STAT3: variants seen among roughly 807,000 people sequenced by gnomAD.
STAT3 encodes signal transducer and activator of transcription 3, also known as DNA-binding protein APRF.
In STAT3, 7 loss-of-function variants were observed where a neutral mutation model predicts 114.3. The ratio of observed to expected loss-of-function variants is 0.06; its 90% CI spans 0.03 to 0.11. The LOEUF (loss-of-function observed/expected upper bound fraction) is 0.11, where lower values mean the gene tolerates loss of function less well. Among genes scored for constraint, STAT3 ranks in the 10% least tolerant of loss-of-function variants. The pLI is 1.00. For missense variants in STAT3, 364 were observed against 960.9 expected (o/e 0.38, Z 8.21); for synonymous variants, 331 against 354.5 (o/e 0.93, Z 0.74).
chr17:42,384,426 G>A (rs1334107270), intron 1 of STAT3, among the ~76,000 whole-genome samples: 2 of 151,354 alleles, frequency 1.3e-5, no homozygotes, highest in Admixed American at 6.6e-5. Context: ...CACCGCGCCC[G>A]GCGCCCCGAA....
intron 3 of STAT3, among the ~76,000 whole-genome samples, 176 bp from the exon 4 acceptor site, chr17:42,345,833 G>C (rs186571444): frequency 4.0e-5 from 6 of 151,484 alleles, no homozygotes; most frequent in African/African-American, 1.2e-4. Flanking sequence ...GCGAAGGGGA[G>C]GTCGTTACTA....
At chr17:42,339,188 C>A in intron 5 of STAT3, 126 bp downstream of exon 5, 3 of 905,466 alleles carry the variant, frequency 3.3e-6, no homozygotes, top group South Asian at 1.4e-5. Flanking sequence ...CCTGAGAGGT[C>A]GAGGCTGCAG....
chr17:42,320,913 T>C (rs1032159597), intron 21 of STAT3, among the ~76,000 whole-genome samples: 2 of 150,576 alleles, frequency 1.3e-5, no homozygotes, highest in African/African-American at 4.9e-5. Flanking sequence ...GCTGCAGAGA[T>C]TACAGTTTTG....
At chr17:42,381,748 A>AG (rs1555580320) in intron 1 of STAT3, among the ~76,000 whole-genome samples, 5 of 151,382 alleles carry the variant, frequency 3.3e-5, no homozygotes, top group Non-Finnish European at 2.9e-5. Flanking sequence ...AAAAAAAAAA[A>AG]GGAATTTGGA....
chr17:42,322,912 A>G, intron 20 of STAT3, 92 bp downstream of exon 20: 1 of 1,591,722 alleles, frequency 6.3e-7, no homozygotes, highest in East Asian at 2.2e-5. Context: ...GGCCATCTCC[A>G]CCCACCAGGG....
chr17:42,331,391 C>A, intron 11 of STAT3, 81 bp downstream of exon 11: 1 of 1,257,442 alleles, frequency 8.0e-7, no homozygotes, highest in Admixed American at 1.8e-5. Context: ...AAGACAGAGT[C>A]TCTAGTTCAA....
chr17:42,348,680 G>C, intron 1 of STAT3, 141 bp from the exon 2 acceptor site: 1 of 1,002,592 alleles, frequency 1.0e-6, no homozygotes, highest in Non-Finnish European at 1.5e-6. Flanking sequence ...CTTTCTCCCA[G>C]TTTATTTTAT....
Position 42,343,751 on chromosome 17 carries a change from C to T in STAT3, c.372+1808G>A, listed in dbSNP as rs139853497. The stretch of plus-strand genomic sequence containing the variant: ...TACAGGCGTGAGACATCGTGCCTGG[C>T]CCAGATCTTTACTTTCATTACATCT... On this transcript the variant is annotated intron_variant, in intron 4 of 23. Coordinates refer to ENST00000264657, the MANE Select transcript of STAT3 (RefSeq NM_139276.3). Among the ~76,000 whole-genome samples the T allele has an allele frequency of 2.4e-3, 364 of 152,196 alleles. 2 individuals are homozygous for T. The highest frequency in any genetic ancestry group is 8.2e-3 in the African/African-American group (340 of 41,526).
chr17:42,368,731 C>A (rs62075774), intron 1 of STAT3, among the ~76,000 whole-genome samples: 1 of 149,816 alleles, frequency 6.7e-6, no homozygotes, highest in Admixed American at 6.7e-5. Flanking sequence ...ATGCAACCAG[C>A]CTTTTTTTTT....
intron 10 of STAT3, among the ~76,000 whole-genome samples, chr17:42,331,969 C>T (rs942699039): frequency 1.3e-5 from 2 of 151,572 alleles, no homozygotes; most frequent in African/African-American, 4.8e-5. Flanking sequence ...CTCTCGTTAC[C>T]CAGGCTGGAG....
At chr17:42,380,895 A>G (rs2084754756) in intron 1 of STAT3, among the ~76,000 whole-genome samples, 1 of 152,206 alleles carries the variant, frequency 6.6e-6, no homozygotes, top group African/African-American at 2.4e-5. Flanking sequence ...CCTAGGTGAC[A>G]GAGTGAGAAC....
At chr17:42,338,885 TGAG>T in intron 5 of STAT3, 73 bp from the exon 6 acceptor site, 6 of 1,387,964 alleles carry the variant, frequency 4.3e-6, no homozygotes, top group Non-Finnish European at 6.1e-6. Flanking sequence ...ATAAAGTTTC[TGAG>T]GAGAATTCAA....
At position 42,314,555 on chromosome 17, in the gene STAT3, C is replaced by T. The variant is rs2081184084; in HGVS notation, c.*1190G>A. 4.3e-6 allele frequency: 1 copy of T among 232,752 alleles called. No homozygotes were observed. Among genetic ancestry groups the T allele is most frequent in the Non-Finnish European group, 8.5e-6 (1 of 117,550 alleles). The allele number at this position is 232,752 out of a possible 1,614,324, so 14.4% of individuals were successfully genotyped here. A position where few individuals can be genotyped will look rare whatever the true frequency, so the allele number is the denominator to read the frequency against. On this transcript the variant is annotated 3_prime_UTR_variant, in exon 24 of 24. Coordinates refer to ENST00000264657, the MANE Select transcript of STAT3 (RefSeq NM_139276.3). ...TAAGGCACCCACAGAAACAACCTAG[C>T]CTCTGAAACAGCAGATCAAGTCCAG...
chr17:42,364,889 G>T (rs2083695532), intron 1 of STAT3, among the ~76,000 whole-genome samples: 1 of 152,076 alleles, frequency 6.6e-6, no homozygotes, highest in African/African-American at 2.4e-5. Context: ...AATTTATTCA[G>T]GTCACTTTCC....
intron 1 of STAT3, among the ~76,000 whole-genome samples, chr17:42,372,445 A>C (rs2084202926): frequency 6.6e-6 from 1 of 152,236 alleles, no homozygotes; most frequent in Admixed American, 6.5e-5. Context: ...TACTGAAAGA[A>C]GCCAATCTGA....
intron 1 of STAT3, chr17:42,387,956 G>C (rs1031555454): frequency 1.9e-5 from 5 of 268,870 alleles, no homozygotes; most frequent in Non-Finnish European, 3.5e-5. Context: ...ACGTCCCCAG[G>C]GCCCCAGGGA....
At chr17:42,347,496 T>C (rs1256734193) in intron 2 of STAT3, among the ~76,000 whole-genome samples, 1 of 152,170 alleles carries the variant, frequency 6.6e-6, no homozygotes, top group Non-Finnish European at 1.5e-5. Flanking sequence ...CCTGAGCATA[T>C]TAAAGTGAAG....
At chr17:42,378,721 C>G (rs184870159) in intron 1 of STAT3, among the ~76,000 whole-genome samples, 1 of 152,314 alleles carries the variant, frequency 6.6e-6, no homozygotes, top group Admixed American at 6.5e-5. Flanking sequence ...TATTTCAATG[C>G]TAACTCAATG....
chr17:42,353,280 G>A (rs1008697131), intron 1 of STAT3, among the ~76,000 whole-genome samples: 6 of 151,294 alleles, frequency 4.0e-5, no homozygotes, highest in East Asian at 1.9e-4. Flanking sequence ...CCCGGGAGGC[G>A]GAGGTTGCAG....
Sources: gnomAD v4.1 joint callset for allele counts (sites outside exome capture counted in the v4.1 genomes callset) on GRCh38, gnomAD v4.1.1 for gene constraint, MANE v1.5 for transcripts, NCBI Gene and HGNC (gene_info 2026-07-23, HGNC 2026-07-21) for gene names.